Variants in STYK1 observed in about 807,000 individuals in gnomAD.
STYK1 encodes the protein STY kinase 1.
STYK1 carries 46 observed loss-of-function variants against 48.1 expected under a neutral mutation model. The ratio of observed to expected loss-of-function variants is 0.96; its 90% CI spans 0.75 to 1.22. The LOEUF is 1.22. STYK1 is among the 50% of genes most tolerant of loss of function. STYK1 has a pLI of 0.00. For missense variants in STYK1, 527 were observed against 521.1 expected (o/e 1.01, Z -0.11); for synonymous variants, 188 against 189.0 (o/e 0.99, Z 0.04).
intron 1 of STYK1, among the ~76,000 whole-genome samples, chr12:10,670,995 A>ATTTTTTTTTTTTTTTTTTTTT (rs763044772): frequency 9.0e-6 from 1 of 110,508 alleles, no homozygotes; most frequent in African/African-American, 3.7e-5. Context: ...GAATATATTG[A>ATTTTTTTTTTTTTTTTTTTTT]TTTTTTTTTT....
At chr12:10,630,948 A>G (rs1361561878) in intron 5 of STYK1, 97 bp downstream of exon 5, 1 of 1,482,902 alleles carries the variant, frequency 6.7e-7, no homozygotes, top group Non-Finnish European at 9.2e-7. Flanking sequence ...GTACACAGTT[A>G]TGATCACAAC....
At chr12:10,659,030 T>C (rs939845211) in intron 1 of STYK1, among the ~76,000 whole-genome samples, 1 of 152,182 alleles carries the variant, frequency 6.6e-6, no homozygotes, top group Admixed American at 6.5e-5. Flanking sequence ...AGGTTTCTGA[T>C]AACTTTGGAG....
At chr12:10,621,777 C>A in intron 10 of STYK1, 99 bp downstream of exon 10, 1 of 1,043,230 alleles carries the variant, frequency 9.6e-7, no homozygotes, top group Non-Finnish European at 1.5e-6. Flanking sequence ...TACATATACA[C>A]AGGTGAGGAT....
At chr12:10,629,815 G>T (rs1947402670) in intron 5 of STYK1, 141 bp from the exon 6 acceptor site, 2 of 750,088 alleles carry the variant, frequency 2.7e-6, no homozygotes, top group Non-Finnish European at 2.2e-6. Context: ...ACACAAAGGG[G>T]ACTAATTAGA....
chr12:10,634,814 TTATCTC>T (rs1419396432), intron 2 of STYK1, 128 bp from the exon 3 acceptor site: 17 of 596,662 alleles, frequency 2.8e-5, no homozygotes, highest in Non-Finnish European at 3.8e-5. Flanking sequence ...AGTCATCCGT[TTATCTC>T]TATCTACCTA....
At position 10,631,254 on chromosome 12, in the gene STYK1, C is replaced by T; in HGVS notation, c.242G>A (p.Gly81Glu). 1 of 1,614,252 alleles carries T rather than the reference C, an allele frequency of 6.2e-7. No individual in the cohort carries two copies. The highest frequency in any genetic ancestry group is 8.5e-7 in the Non-Finnish European group (1 of 1,180,036). Residue 81 changes from glycine to glutamate, a missense_variant, in exon 5 of 11, where the codon GGA becomes GAA. By Grantham distance (98) the Gly-to-Glu change is moderately conservative. Transcript: ENST00000075503. The part of the protein sequence containing the change: ...RDLSWEAGHG[G>E]NVALPLKETS... ...CTCCTTAAGTGGCAAAGCCACATTT[C>T]CTCCATGTCCTGCTTCCCAGCTTAG...
At chr12:10,622,593 G>A (rs770550539) in intron 9 of STYK1, 45 bp downstream of exon 9, 8 of 1,608,932 alleles carry the variant, frequency 5.0e-6, no homozygotes, top group Admixed American at 1.7e-5. Flanking sequence ...AAACACGCTT[G>A]CATATTTGCA....
At chr12:10,645,050 A>T (rs911438120) in intron 1 of STYK1, among the ~76,000 whole-genome samples, 31 of 152,152 alleles carry the variant, frequency 2.0e-4, no homozygotes, top group Non-Finnish European at 4.1e-4. Flanking sequence ...CCAGGGGGAA[A>T]CTCAAAGAGG....
chr12:10,670,621 T>C (rs1947881289), intron 1 of STYK1, among the ~76,000 whole-genome samples: 1 of 151,564 alleles, frequency 6.6e-6, no homozygotes, highest in Non-Finnish European at 1.5e-5. Flanking sequence ...GGTATGACCT[T>C]ATTCCTCCTT....
chr12:10,635,526 G>A (rs1004983609), intron 2 of STYK1, among the ~76,000 whole-genome samples: 1 of 152,044 alleles, frequency 6.6e-6, no homozygotes, highest in Non-Finnish European at 1.5e-5. Flanking sequence ...ATTGCTACAA[G>A]GATATAAAGG....
In STYK1 at chr12:10,673,467, G is replaced by A. The variant is rs371776006; in HGVS notation, c.-195+499C>T. The A allele has an allele frequency of 1.2e-3, 184 of 152,256 alleles. 1 individual carries two copies. Among genetic ancestry groups the A allele is most frequent in the African/African-American group, 4.3e-3 (180 of 41,516 alleles). 9.4% of individuals were successfully genotyped at this position (152,256 alleles called of 1,614,324 possible). A position where few individuals can be genotyped will look rare whatever the true frequency, so the allele number is the denominator to read the frequency against. On this transcript the variant is annotated intron_variant, in intron 1 of 10. Coordinates refer to ENST00000075503, the MANE Select transcript of STYK1 (RefSeq NM_018423.3). The stretch of plus-strand genomic sequence containing the variant: ...TCAGGCTGTACACTTTTAAAGCATG[G>A]TTATTGATATCTCATTTAAATATCG...
chr12:10,645,673 C>G (rs1947590854), intron 1 of STYK1, among the ~76,000 whole-genome samples: 1 of 152,156 alleles, frequency 6.6e-6, no homozygotes, highest in Non-Finnish European at 1.5e-5. Context: ...GGTTCTCAAA[C>G]CAGAGAGCAC....
intron 1 of STYK1, among the ~76,000 whole-genome samples, chr12:10,664,050 C>G (rs529484390): frequency 6.6e-6 from 1 of 152,182 alleles, no homozygotes; most frequent in South Asian, 2.1e-4. Flanking sequence ...TAGAACAGGT[C>G]GGGCAACAAA....
chr12:10,627,747 C>T, intron 6 of STYK1, 23 bp from the exon 7 acceptor site: 3 of 1,582,180 alleles, frequency 1.9e-6, no homozygotes, highest in Non-Finnish European at 2.6e-6. Flanking sequence ...GGAAAAAAAG[C>T]CATTATATCA....
intron 1 of STYK1, among the ~76,000 whole-genome samples, chr12:10,665,990 TTTCAGC>T (rs1947830006): frequency 1.3e-5 from 2 of 152,204 alleles, no homozygotes; most frequent in Admixed American, 1.3e-4. Context: ...CAGGATCAAT[TTTCAGC>T]ATTCCGTTTG....
At chr12:10,641,307 T>C (rs1438248983) in intron 1 of STYK1, among the ~76,000 whole-genome samples, 2 of 152,254 alleles carry the variant, frequency 1.3e-5, no homozygotes, top group African/African-American at 4.8e-5. Flanking sequence ...TTCCTACTGT[T>C]GTCAGTGACC....
intron 1 of STYK1, among the ~76,000 whole-genome samples, chr12:10,643,015 G>A (rs773098570): frequency 1.3e-5 from 2 of 151,968 alleles, no homozygotes; most frequent in African/African-American, 2.4e-5. Context: ...GGGGCATTAC[G>A]GAGATCAGCA....
chr12:10,633,922 T>A (rs923456999), intron 4 of STYK1, 68 bp downstream of exon 4: 6 of 1,572,268 alleles, frequency 3.8e-6, no homozygotes, highest in Non-Finnish European at 3.5e-6. Context: ...CATTGAAACT[T>A]AGACCATACT....
chr12:10,628,347 G>A (rs941860200), intron 6 of STYK1, among the ~76,000 whole-genome samples: 8 of 152,330 alleles, frequency 5.3e-5, no homozygotes, highest in African/African-American at 1.4e-4. Flanking sequence ...TCTGAAGGAT[G>A]AGTGGACATT....
Sources: allele counts gnomAD v4.1 joint callset (sites outside exome capture counted in the v4.1 genomes callset), GRCh38; gene constraint gnomAD v4.1.1; transcripts MANE v1.5; gene names NCBI Gene and HGNC (gene_info 2026-07-23, HGNC 2026-07-21).